The following RBPJ variants were observed in gnomAD, a reference collection of about 807,000 sequenced individuals.
RBPJ encodes the protein recombining binding protein suppressor of hairless.
A neutral mutation model predicts 67.8 loss-of-function variants in RBPJ; 9 were observed. The observed-to-expected ratio is 0.13, with a 90% CI of 0.08 to 0.23. The LOEUF (loss-of-function observed/expected upper bound fraction) is 0.23. Among genes scored for constraint, RBPJ ranks in the 10% least tolerant of loss-of-function variants. RBPJ has a pLI of 1.00. For missense variants in RBPJ, 305 were observed against 595.6 expected (o/e 0.51, Z 5.08); for synonymous variants, 198 against 203.3 (o/e 0.97, Z 0.22).
At chr4:26,413,851 A>G (rs1577648787) in intron 3 of RBPJ, among the ~76,000 whole-genome samples, 1 of 152,180 alleles carries the variant, frequency 6.6e-6, no homozygotes, top group African/African-American at 2.4e-5. Flanking sequence ...CAGAGTGTTA[A>G]TAAGTGTAAA....
chr4:26,117,577 C>T, the RBPJ span, among the ~76,000 whole-genome samples: 2 of 152,082 alleles, frequency 1.3e-5, no homozygotes, highest in African/African-American at 2.4e-5. Context: ...ACTTCATGGA[C>T]TTTACTGTCT....
chr4:26,361,058 C>T (rs13108150), intron 1 of RBPJ, among the ~76,000 whole-genome samples: 74,644 of 148,534 alleles, frequency 0.5, 19,637 homozygotes, highest in Admixed American at 0.62. Flanking sequence ...AGTGTGTGTG[C>T]GTGTGTGTGT....
intron 1 of RBPJ, among the ~76,000 whole-genome samples, chr4:26,277,946 G>A (rs968010153): frequency 2.6e-5 from 4 of 152,014 alleles, no homozygotes; most frequent in African/African-American, 9.7e-5. Flanking sequence ...TTTTTTCCAA[G>A]TTGCTGCTTA....
At chr4:26,180,236 C>T (rs1716933660) in intron 1 of RBPJ, among the ~76,000 whole-genome samples, 1 of 151,424 alleles carries the variant, frequency 6.6e-6, no homozygotes, top group Non-Finnish European at 1.5e-5. Flanking sequence ...AGGCTTAGTA[C>T]CTGGGTGACG....
At chr4:26,220,567 T>C (rs926418232) in intron 1 of RBPJ, among the ~76,000 whole-genome samples, 2 of 152,190 alleles carry the variant, frequency 1.3e-5, no homozygotes, top group Non-Finnish European at 1.5e-5. Context: ...AAAACAGGTC[T>C]TGAACTCCGG....
chr4:26,360,768 T>G (rs1409666512), intron 1 of RBPJ, among the ~76,000 whole-genome samples: 1 of 151,418 alleles, frequency 6.6e-6, no homozygotes, highest in Non-Finnish European at 1.5e-5. Context: ...TTTTTTTATT[T>G]TTTTTTTCTT....
intron 1 of RBPJ, among the ~76,000 whole-genome samples, chr4:26,172,432 C>T (rs576423795): frequency 3.9e-5 from 6 of 152,162 alleles, no homozygotes; most frequent in Non-Finnish European, 5.9e-5. Context: ...TTTTCTGCCA[C>T]GGGCGATCTA....
intron 1 of RBPJ, among the ~76,000 whole-genome samples, chr4:26,382,039 A>AT (rs940370877): frequency 5.9e-5 from 9 of 152,068 alleles, no homozygotes; most frequent in Middle Eastern, 3.4e-3. Context: ...ATAAGGATTG[A>AT]TTTTTTTTCC....
At chr4:26,117,567 A>C in the RBPJ span, among the ~76,000 whole-genome samples, 1 of 152,138 alleles carries the variant, frequency 6.6e-6, no homozygotes, top group Non-Finnish European at 1.5e-5. Context: ...AGTCAGATTG[A>C]CTTCATGGAC....
the RBPJ span, among the ~76,000 whole-genome samples, chr4:26,155,994 G>A: frequency 6.6e-6 from 1 of 152,206 alleles, no homozygotes; most frequent in Non-Finnish European, 1.5e-5. Context: ...GAAAGGGGCA[G>A]TGACAGTGCC....
intron 1 of RBPJ, among the ~76,000 whole-genome samples, chr4:26,356,045 A>G (rs1727341199): frequency 6.6e-6 from 1 of 152,234 alleles, no homozygotes; most frequent in East Asian, 1.9e-4. Context: ...CTGCCAATTC[A>G]GGATGTGGTT....
chr4:26,170,080 A>G (rs953826107), intron 1 of RBPJ, among the ~76,000 whole-genome samples: 1 of 152,026 alleles, frequency 6.6e-6, no homozygotes, highest in East Asian at 1.9e-4. Flanking sequence ...CGCTGCACCT[A>G]CTGTCCTGTG....
At chr4:26,201,627 G>A (rs1205290253) in intron 1 of RBPJ, among the ~76,000 whole-genome samples, 1 of 152,106 alleles carries the variant, frequency 6.6e-6, no homozygotes, top group African/African-American at 2.4e-5. Context: ...CACAATCCCT[G>A]GAAGCAAAAG....
chr4:26,313,252 C>A (rs1370899587), intron 1 of RBPJ, among the ~76,000 whole-genome samples: 1 of 152,220 alleles, frequency 6.6e-6, no homozygotes. Context: ...TAATTCTATG[C>A]CTGGTGCAGT....
At chr4:26,182,646 A>G (rs1178535362) in intron 1 of RBPJ, among the ~76,000 whole-genome samples, 1 of 151,152 alleles carries the variant, frequency 6.6e-6, no homozygotes, top group Non-Finnish European at 1.5e-5. Flanking sequence ...GGCATGCCCC[A>G]CCACATCTGG....
At chr4:26,319,964 T>A (rs1486834649), upstream of RBPJ, 7 of 1,327,142 alleles carry the variant, frequency 5.3e-6, no homozygotes, top group East Asian at 1.5e-4. Flanking sequence ...GCCCGGGGGC[T>A]TCCGGGATCA....
intron 1 of RBPJ, among the ~76,000 whole-genome samples, chr4:26,229,634 T>A (rs1292299797): frequency 6.6e-6 from 1 of 152,144 alleles, no homozygotes; most frequent in Admixed American, 6.5e-5. Flanking sequence ...CAGAGCTGGG[T>A]TTACATCCCA....
At chr4:26,310,260 C>T (rs1577412833) in intron 1 of RBPJ, among the ~76,000 whole-genome samples, 1 of 152,220 alleles carries the variant, frequency 6.6e-6, no homozygotes, top group East Asian at 1.9e-4. Flanking sequence ...TGATGGAATC[C>T]TTCTTGGCAC....
chr4:26,375,079 G>A (rs1367081197), intron 1 of RBPJ, among the ~76,000 whole-genome samples: 1 of 151,992 alleles, frequency 6.6e-6, no homozygotes, highest in African/African-American at 2.4e-5. Flanking sequence ...GAGGCAGGGG[G>A]ATCACCGGAG....
Sources: allele counts gnomAD v4.1 joint callset (sites outside exome capture counted in the v4.1 genomes callset), GRCh38; gene constraint gnomAD v4.1.1; transcripts MANE v1.5; gene names NCBI Gene and HGNC (gene_info 2026-07-23, HGNC 2026-07-21).